Variants in FAF1 observed in about 807,000 individuals in gnomAD.
The protein encoded by FAF1 is FAS-associated factor 1.
FAF1 carries 25 observed loss-of-function variants against 92.5 expected under a neutral mutation model. The observed-to-expected ratio is 0.27, with a 90% confidence interval of 0.20 to 0.38. The LOEUF (loss-of-function observed/expected upper bound fraction) is 0.38. FAF1 is among the 10% of genes least tolerant of loss of function. FAF1 has a pLI of 1.00. For synonymous variants in FAF1, 234 were observed against 273.2 expected (o/e 0.86, Z 1.42); for missense variants, 636 against 793.3 (o/e 0.80, Z 2.38).
At chr1:50,641,178 C>T (rs575664795) in intron 8 of FAF1, among the ~76,000 whole-genome samples, 1 of 152,098 alleles carries the variant, frequency 6.6e-6, no homozygotes, top group South Asian at 2.1e-4. Flanking sequence ...ATAATTTTTC[C>T]TAATTTGTCT....
At chr1:50,664,993 TA>T (rs1655561086) in intron 7 of FAF1, among the ~76,000 whole-genome samples, 1 of 152,054 alleles carries the variant, frequency 6.6e-6, no homozygotes, top group Non-Finnish European at 1.5e-5. Context: ...GCTTAGTAAA[TA>T]ATATGAAAAA....
At chr1:50,688,642 G>A (rs555672348) in intron 7 of FAF1, among the ~76,000 whole-genome samples, 1 of 152,158 alleles carries the variant, frequency 6.6e-6, no homozygotes, top group East Asian at 1.9e-4. Context: ...GAGAAACCCT[G>A]TCTCTACTAA....
At chr1:50,510,143 G>C (rs1647114927) in intron 15 of FAF1, among the ~76,000 whole-genome samples, 1 of 147,624 alleles carries the variant, frequency 6.8e-6, no homozygotes, top group Non-Finnish European at 1.5e-5. Flanking sequence ...TCTAGCCTGG[G>C]TGACAGAACG....
At chr1:50,677,026 G>A (rs576969773) in intron 7 of FAF1, among the ~76,000 whole-genome samples, 8 of 152,164 alleles carry the variant, frequency 5.3e-5, no homozygotes, top group African/African-American at 9.6e-5. Flanking sequence ...GGGTGTTTTA[G>A]TATTGTTATA....
At chr1:50,633,088 CA>C (rs1162867367) in intron 8 of FAF1, among the ~76,000 whole-genome samples, 2 of 152,136 alleles carry the variant, frequency 1.3e-5, no homozygotes, top group East Asian at 3.8e-4. Flanking sequence ...TGCCTCTAAA[CA>C]ACAAAATGTT....
intron 8 of FAF1, among the ~76,000 whole-genome samples, chr1:50,611,486 G>C (rs1652681418): frequency 6.6e-6 from 1 of 152,216 alleles, no homozygotes; most frequent in African/African-American, 2.4e-5. Context: ...ATGGACTGCT[G>C]TGAGGCTAAT....
At chr1:50,624,897 CTTTT>C (rs34177866) in intron 8 of FAF1, among the ~76,000 whole-genome samples, 1,649 of 124,724 alleles carry the variant, frequency 0.013, 17 homozygotes, top group African/African-American at 0.049. Context: ...ATCCCACACT[CTTTT>C]TTTTTTTTTT....
intron 12 of FAF1, among the ~76,000 whole-genome samples, chr1:50,579,295 A>G (rs1650888074): frequency 6.6e-6 from 1 of 152,152 alleles, no homozygotes; most frequent in African/African-American, 2.4e-5. Flanking sequence ...TGTGAGGTAT[A>G]CATAGTATAT....
intron 4 of FAF1, among the ~76,000 whole-genome samples, chr1:50,752,899 G>T (rs1263335870): frequency 6.6e-6 from 1 of 152,064 alleles, no homozygotes; most frequent in Non-Finnish European, 1.5e-5. Flanking sequence ...GGCCAGGCTG[G>T]TCTCGAACTC....
At chr1:50,898,641 C>T (rs2644544) in intron 1 of FAF1, among the ~76,000 whole-genome samples, 84 of 152,248 alleles carry the variant, frequency 5.5e-4, no homozygotes, top group African/African-American at 2.0e-3. Flanking sequence ...TTCTCCAGGA[C>T]AGACCACAAA....
intron 1 of FAF1, among the ~76,000 whole-genome samples, chr1:50,952,259 C>T (rs929150198): frequency 1.3e-5 from 2 of 152,286 alleles, no homozygotes; most frequent in African/African-American, 4.8e-5. Flanking sequence ...AGGCGCGCGC[C>T]GCCACGCCTG....
chr1:50,926,023 C>CT (rs1367197453), intron 1 of FAF1, among the ~76,000 whole-genome samples: 4 of 152,136 alleles, frequency 2.6e-5, no homozygotes, highest in Non-Finnish European at 5.9e-5. Flanking sequence ...GAAGACCAGG[C>CT]TGGGTAACAT....
intron 6 of FAF1, among the ~76,000 whole-genome samples, chr1:50,714,768 T>G (rs1658103121): frequency 6.6e-6 from 1 of 152,224 alleles, no homozygotes; most frequent in Non-Finnish European, 1.5e-5. Flanking sequence ...GGTTTTTCTT[T>G]GCAAATTCAT....
At chr1:50,573,252 C>T (rs997277002) in intron 12 of FAF1, among the ~76,000 whole-genome samples, 2 of 151,874 alleles carry the variant, frequency 1.3e-5, no homozygotes, top group South Asian at 2.1e-4. Context: ...GCAGCTGCCA[C>T]CATGCCCGGC....
chr1:50,677,684 C>T (rs1656184978), intron 7 of FAF1, among the ~76,000 whole-genome samples: 1 of 152,110 alleles, frequency 6.6e-6, no homozygotes, highest in African/African-American at 2.4e-5. Flanking sequence ...CACCTGAGGT[C>T]AGGAGTTCGA....
chr1:50,492,229 C>T (rs1004529702), intron 15 of FAF1, among the ~76,000 whole-genome samples: 1 of 152,150 alleles, frequency 6.6e-6, no homozygotes, highest in African/African-American at 2.4e-5. Context: ...TGGAGACTGT[C>T]AGTATTGGAA....
At chr1:50,586,717 T>A (rs966143342) in intron 9 of FAF1, among the ~76,000 whole-genome samples, 2 of 152,290 alleles carry the variant, frequency 1.3e-5, no homozygotes, top group East Asian at 3.9e-4. Context: ...AAATCCACAA[T>A]GCTTTCTCAT....
At chr1:50,545,971 C>T (rs1057233432) in intron 13 of FAF1, among the ~76,000 whole-genome samples, 5 of 152,122 alleles carry the variant, frequency 3.3e-5, no homozygotes, top group Non-Finnish European at 7.4e-5. Context: ...AGTTGAAGAC[C>T]AACCTGGATA....
intron 15 of FAF1, among the ~76,000 whole-genome samples, chr1:50,518,526 C>T (rs1316441240): frequency 2.6e-5 from 4 of 151,718 alleles, no homozygotes; most frequent in Non-Finnish European, 5.9e-5. Flanking sequence ...CTGCAAGCTC[C>T]GCCTCCCGGG....
Sources: allele counts gnomAD v4.1 joint callset (sites outside exome capture counted in the v4.1 genomes callset), GRCh38; gene constraint gnomAD v4.1.1; transcripts MANE v1.5; gene names NCBI Gene and HGNC (gene_info 2026-07-23, HGNC 2026-07-21).